Variants in PAPLN observed in about 807,000 individuals in gnomAD.
PAPLN encodes papilin.
A neutral mutation model predicts 159.0 loss-of-function variants in PAPLN; 146 were observed. The observed-to-expected ratio is 0.92, with a 90% CI of 0.80 to 1.05. The LOEUF (loss-of-function observed/expected upper bound fraction) is 1.05. Ranked by LOEUF, PAPLN falls within the 50% of genes least tolerant of loss-of-function variation. The probability of loss-of-function intolerance (pLI) is 0.00; values close to 1 mark genes in which losing one functional copy is unlikely to be tolerated. For missense variants in PAPLN, 1,720 were observed against 1,743.9 expected (o/e 0.99, Z 0.24); for synonymous variants, 734 against 702.9 (o/e 1.04, Z -0.70).
chr14:73,263,716 C>T lies in PAPLN; in HGVS notation c.2795C>T (p.Ser932Leu). 6.2e-7 allele frequency: 1 copy of T among 1,612,336 alleles called. No individual in the cohort carries two copies. Among genetic ancestry groups the T allele is most frequent in the East Asian group, 2.2e-5 (1 of 44,886 alleles). Residue 932 changes from serine (S) to leucine (L), a missense_variant, in exon 20 of 27, where the codon TCA becomes TTA. Transcript: ENST00000644200. ...ALGQLVRLSC[S>L]DDTAPESQAA... ...GGGCAGTTGGTGCGGCTCTCCTGCT[C>T]AGACGACACTGCCCCGGAATCCCAG...
chr14:73,251,448 T>C, intron 7 of PAPLN, 38 bp from the exon 8 acceptor site: 2 of 1,580,136 alleles, frequency 1.3e-6, no homozygotes, highest in Non-Finnish European at 1.7e-6. Flanking sequence ...GGGAGAGGGA[T>C]AGCCCAGCAC....
At position 73,252,156 on chromosome 14, in the gene PAPLN, G is replaced by A. The variant is rs1885354286; in HGVS notation, c.967+15G>A. On this transcript the variant is annotated intron_variant, in intron 10 of 26. Transcript: ENST00000644200. ...GTGTGGCGGAGGTGCGGGCGTGGAT[G>A]GCCCAGGGGAGGGCATGGGCCCTGT... is the stretch of plus-strand genomic sequence containing the variant. The A allele has an allele frequency of 1.3e-6, 2 of 1,583,362 alleles. No individual in the cohort carries two copies. Among genetic ancestry groups the A allele is most frequent in the Non-Finnish European group, 8.6e-7 (1 of 1,164,034 alleles).
rs1394757190 is a variant in PAPLN at position 73,273,111 on chromosome 14, C to G, written c.*447C>G. 6.6e-6 allele frequency: 1 copy of G among 152,488 alleles called. No homozygotes were observed. Among genetic ancestry groups the G allele is most frequent in the Non-Finnish European group, 1.5e-5 (1 of 68,512 alleles). 9.4% of individuals were successfully genotyped at this position (152,488 alleles called of 1,614,324 possible). ...TCTCCTGTGTCAGCCTTCTGAGTAGCTAGGATTACAGATGCCTATCACCAT... is the reference window on the plus strand; with the variant it reads ...TCTCCTGTGTCAGCCTTCTGAGTAGGTAGGATTACAGATGCCTATCACCAT... On this transcript the variant is annotated 3_prime_UTR_variant, in exon 27 of 27. Coordinates refer to ENST00000644200, the MANE Select transcript of PAPLN (RefSeq NM_001365906.3).
chr14:73,272,545 G>A lies in PAPLN; in HGVS notation c.3718G>A (p.Glu1240Lys). Residue 1240 changes from glutamate to lysine, a missense_variant, in exon 27 of 27, where the codon GAG (glutamate) becomes AAG (lysine). Physicochemically the swap from Glu to Lys is moderately conservative, Grantham distance 56. Coordinates refer to ENST00000644200, the MANE Select transcript of PAPLN (RefSeq NM_001365906.3). ...TGGCAGGGACTGCGTCGACCAGCCA[G>A]AGCTGGCCAACTGTGATTTGATCCT... ...DPGRDCVDQP[E>K]LANCDLILQA... 4.4e-6 allele frequency: 7 copies of A among 1,595,678 alleles called. No individual in the cohort carries two copies. The highest frequency in any genetic ancestry group is 6.0e-6 in the Non-Finnish European group (7 of 1,165,072).
chr14:73,251,119 G>C (rs1885206583), intron 7 of PAPLN, 89 bp downstream of exon 7: 1 of 1,519,992 alleles, frequency 6.6e-7, no homozygotes, highest in Non-Finnish European at 8.8e-7. Flanking sequence ...TAGACTCCAG[G>C]CCAAGTGGCC....
upstream of PAPLN, among the ~76,000 whole-genome samples, chr14:73,236,131 G>A (rs536096900): frequency 6.6e-6 from 1 of 151,986 alleles, no homozygotes; most frequent in East Asian, 1.9e-4. Flanking sequence ...TCGTGTCCAG[G>A]ACCAGTTTCT....
intron 15 of PAPLN, 32 bp downstream of exon 15, chr14:73,259,091 C>G (rs1886257781): frequency 6.3e-7 from 1 of 1,584,980 alleles, no homozygotes; most frequent in Admixed American, 1.8e-5. Flanking sequence ...CCACTCAGAG[C>G]CCTGTAGTTT....
intron 19 of PAPLN, 39 bp downstream of exon 19, chr14:73,262,866 C>A (rs1249834097): frequency 2.1e-6 from 3 of 1,408,566 alleles, no homozygotes; most frequent in Non-Finnish European, 1.9e-6. Context: ...GTTAGGACGC[C>A]CAGACAAGGA....
chr14:73,249,977 AC>A lies in PAPLN; in HGVS notation c.335-3del. 1.3e-6 allele frequency: 2 copies of A among 1,595,234 alleles called. No homozygotes were observed. Among genetic ancestry groups the A allele is most frequent in the Non-Finnish European group, 1.7e-6 (2 of 1,170,210 alleles). The stretch of plus-strand genomic sequence containing the variant: ...GGATCTCAGTCTTGCCTTCCTGCCC[AC>A]CCCAGCCCCAAACAAGTGTGAACTG... On this transcript the variant is annotated splice_polypyrimidine_tract_variant and splice_region_variant and intron_variant, in intron 5 of 26. Transcript: ENST00000644200.
chr14:73,238,982 TACAC>T (rs1424778563), intron 1 of PAPLN, among the ~76,000 whole-genome samples: 1 of 152,224 alleles, frequency 6.6e-6, no homozygotes, highest in African/African-American at 2.4e-5. Context: ...TATGTACACA[TACAC>T]ACTGCACAGC....
Position 73,250,964 on chromosome 14 carries a change from T to G in PAPLN, c.523T>G (p.Cys175Gly). 1 of 1,613,592 alleles carries G rather than the reference T, an allele frequency of 6.2e-7. No individual in the cohort carries two copies. ...SSKQEDKCLR[C>G]GGDGTTCYPV... ...CAAGCAGGAGGACAAGTGTCTGCGGTGTGGGGGTGACGGCACGACCTGCTA... is the reference window on the plus strand; with the variant it reads ...CAAGCAGGAGGACAAGTGTCTGCGGGGTGGGGGTGACGGCACGACCTGCTA... The change falls in exon 7 of 27, where the codon TGT (cysteine) becomes GGT (glycine). Residue 175 changes from cysteine (C) to glycine (G), a missense_variant. By Grantham distance (159) the Cys-to-Gly change is radical (BLOSUM62 -3). Coordinates refer to ENST00000644200, the MANE Select transcript of PAPLN (RefSeq NM_001365906.3).
chr14:73,247,584 CTG>C, intron 5 of PAPLN, among the ~76,000 whole-genome samples: 1 of 135,550 alleles, frequency 7.4e-6, no homozygotes, highest in African/African-American at 2.9e-5. Flanking sequence ...CTCATGTCCT[CTG>C]TGCGTGTGTG....
chr14:73,249,841 G>A (rs1885036175), intron 5 of PAPLN, 143 bp from the exon 6 acceptor site: 6 of 851,186 alleles, frequency 7.0e-6, no homozygotes, highest in South Asian at 2.7e-5. Context: ...CTTCTCCTGG[G>A]GATGGGGCGG....
At chr14:73,244,515 G>A in intron 2 of PAPLN, 129 bp from the exon 3 acceptor site, 1 of 723,626 alleles carries the variant, frequency 1.4e-6, no homozygotes, top group Non-Finnish European at 2.4e-6. Context: ...TCCTAAAGGT[G>A]GGCCCTGGAA....
At chr14:73,252,281 TGG>T in intron 10 of PAPLN, 140 bp downstream of exon 10, 1 of 1,332,860 alleles carries the variant, frequency 7.5e-7, no homozygotes, top group Non-Finnish European at 9.9e-7. Flanking sequence ...CTCTGTGTTA[TGG>T]GGGTCGCTTT....
At chr14:73,237,735 CG>C (rs1883117862) in intron 1 of PAPLN, 143 bp downstream of exon 1, 1 of 152,264 alleles carries the variant, frequency 6.6e-6, no homozygotes, top group African/African-American at 2.4e-5. Flanking sequence ...GACCCCGCCC[CG>C]GCTCGCTCTC....
chr14:73,266,909 G>A lies in PAPLN; in HGVS notation c.3500+78G>A, dbSNP rs989388565. On this transcript the variant is annotated intron_variant, in intron 25 of 26. Coordinates refer to ENST00000644200, the MANE Select transcript of PAPLN (RefSeq NM_001365906.3). ...TGTGGGTGTCCACCTTTCTGCCAGG[G>A]ATGTCACTGTCACCACTGCTTCCAT... 1.2e-5 allele frequency: 16 copies of A among 1,361,976 alleles called. No homozygotes were observed. The Admixed American group carries it at 3.2e-4, about 27-fold the overall frequency. 84.4% of individuals were successfully genotyped at this position (1,361,976 alleles called of 1,614,324 possible).
rs1886466720 is a variant in PAPLN, at chr14:73,260,657, A to G, written c.1986-52A>G. On this transcript the variant is annotated intron_variant, in intron 16 of 26. Coordinates refer to ENST00000644200, the MANE Select transcript of PAPLN (RefSeq NM_001365906.3). ...CCTCAGAGCCTGGGTCCTGGGATGC[A>G]GGGAGCGTGGGGGCAGGCTGGGCAG... 4.3e-6 allele frequency: 6 copies of G among 1,390,056 alleles called. No homozygotes were observed. The South Asian group carries it at 8.1e-5, about 19-fold the overall frequency. The allele number at this position is 1,390,056 out of a possible 1,614,324, so 86.1% of individuals were successfully genotyped here.
Position 73,262,839 on chromosome 14 carries a change from CT to C in PAPLN, c.2723+14del. 1 of 1,454,570 alleles carries C rather than the reference CT, an allele frequency of 6.9e-7. No homozygotes were observed. Among genetic ancestry groups the C allele is most frequent in the Non-Finnish European group, 9.1e-7 (1 of 1,104,110 alleles). 90.1% of individuals were successfully genotyped at this position (1,454,570 alleles called of 1,614,324 possible). ...AGCTCCTCCTACAGGTGAGGCCCAC[CT>C]TCCCCAGGTGAGGGGGTTAGGACGC... On this transcript the variant is annotated intron_variant, in intron 19 of 26. Coordinates refer to ENST00000644200, the MANE Select transcript of PAPLN (RefSeq NM_001365906.3).
Sources: allele counts gnomAD v4.1 joint callset (sites outside exome capture counted in the v4.1 genomes callset), GRCh38; gene constraint gnomAD v4.1.1; transcripts MANE v1.5; gene names NCBI Gene and HGNC (gene_info 2026-07-23, HGNC 2026-07-21).